The following UBR3 variants were observed in gnomAD, a reference collection of about 807,000 sequenced individuals.
The protein encoded by UBR3 is ubiquitin protein ligase E3 component n-recognin 3.
Under a neutral mutation model 243.2 loss-of-function variants are expected in UBR3, and 85 were observed. That is an observed-to-expected ratio of 0.35 (90% CI 0.29 to 0.42). The LOEUF (loss-of-function observed/expected upper bound fraction) is 0.42. Ranked by LOEUF, UBR3 falls within the 10% of genes least tolerant of loss-of-function variation. The pLI, the probability that UBR3 is intolerant of heterozygous loss-of-function variation, is 1.00. For synonymous variants in UBR3, 748 were observed against 799.8 expected (o/e 0.94, Z 1.09); for missense variants, 1,686 against 2,300.8 (o/e 0.73, Z 5.47).
chr2:169,912,677 T>C (rs1436344724), intron 10 of UBR3, among the ~76,000 whole-genome samples: 4 of 152,190 alleles, frequency 2.6e-5, no homozygotes, highest in African/African-American at 9.6e-5. Context: ...TTTATATACA[T>C]TTTTTGTGTG....
chr2:170,043,779 C>T (rs1039926103), intron 32 of UBR3, among the ~76,000 whole-genome samples: 1 of 152,092 alleles, frequency 6.6e-6, no homozygotes, highest in African/African-American at 2.4e-5. Context: ...TTAAATTTAC[C>T]TGTAGTTAGA....
intron 1 of UBR3, among the ~76,000 whole-genome samples, chr2:169,843,830 C>T (rs1437663006): frequency 6.6e-6 from 1 of 152,130 alleles, no homozygotes; most frequent in Non-Finnish European, 1.5e-5. Context: ...GGGCACCCTC[C>T]TCTTTATTTT....
chr2:170,069,381 A>G (rs546454404), intron 35 of UBR3, among the ~76,000 whole-genome samples: 7 of 152,134 alleles, frequency 4.6e-5, no homozygotes, highest in Non-Finnish European at 7.4e-5. Context: ...ATATGTATAC[A>G]TTGTATATGA....
At position 170,061,158 on chromosome 2, in the gene UBR3, A is replaced by G. The variant is rs751350133; in HGVS notation, c.4865A>G (p.His1622Arg). The stretch of plus-strand genomic sequence containing the variant: ...GAACTATTTAAAGGAAAGTTATACC[A>G]TGAAGAAGGAACTCAGGAATGTGCA... ...ISELFKGKLY[H>R]EEGTQECAMV... The change falls in exon 34 of 39, where the codon CAT (histidine) becomes CGT (arginine). Residue 1622 changes from histidine to arginine, a missense_variant. Transcript: ENST00000272793. The G allele has an allele frequency of 6.9e-6, 11 of 1,599,992 alleles. No homozygotes were observed. Among genetic ancestry groups the G allele is most frequent in the Middle Eastern group, 1.7e-4 (1 of 5,980 alleles).
intron 5 of UBR3, among the ~76,000 whole-genome samples, chr2:169,890,007 A>G (rs558130819): frequency 2.6e-5 from 4 of 152,274 alleles, no homozygotes; most frequent in East Asian, 1.9e-4. Context: ...TGGTTCATAT[A>G]TGTTTGGAAA....
At chr2:170,005,757 G>T (rs1163621324) in intron 27 of UBR3, among the ~76,000 whole-genome samples, 1 of 152,180 alleles carries the variant, frequency 6.6e-6, no homozygotes, top group Non-Finnish European at 1.5e-5. Flanking sequence ...TATAAGATTG[G>T]TTGTATACAT....
At chr2:169,835,993 G>GTCCCCCTCTCTCTCTCTCTCTC (rs1194152380) in intron 1 of UBR3, among the ~76,000 whole-genome samples, 2 of 30,730 alleles carry the variant, frequency 6.5e-5, no homozygotes, top group African/African-American at 2.2e-4. Context: ...TGTGTGCACT[G>GTCCCCCTCTCTCTCTCTCTCTC]TCTCTCTCTC....
chr2:169,923,278 C>G (rs1466155010), intron 11 of UBR3, among the ~76,000 whole-genome samples: 1 of 152,096 alleles, frequency 6.6e-6, no homozygotes, highest in Non-Finnish European at 1.5e-5. Flanking sequence ...GCATTTATAC[C>G]TCTGTTTAGG....
intron 30 of UBR3, among the ~76,000 whole-genome samples, chr2:170,018,772 A>G (rs1224281582): frequency 6.6e-6 from 1 of 152,224 alleles, no homozygotes; most frequent in African/African-American, 2.4e-5. Flanking sequence ...GGTTAGCAAC[A>G]TATGTTGGAA....
chr2:169,890,563 A>ATATATATATATATATATATATATATATG (rs1255881148), intron 5 of UBR3, among the ~76,000 whole-genome samples: 24 of 83,754 alleles, frequency 2.9e-4, no homozygotes, highest in East Asian at 9.0e-4. Context: ...ATATATATAT[A>ATATATATATATATATATATATATATATG]TGTGTATATA....
At chr2:169,858,295 T>G (rs1317119526) in intron 1 of UBR3, among the ~76,000 whole-genome samples, 1 of 152,222 alleles carries the variant, frequency 6.6e-6, no homozygotes, top group East Asian at 1.9e-4. Flanking sequence ...GGGCTTATCA[T>G]AAGCCTGCTT....
intron 1 of UBR3, among the ~76,000 whole-genome samples, chr2:169,845,625 C>G (rs988753187): frequency 6.0e-5 from 9 of 149,480 alleles, no homozygotes; most frequent in Non-Finnish European, 4.5e-5. Context: ...GCTCTGTCAC[C>G]TAGGCTGGAA....
At chr2:169,881,124 G>A (rs1466701927) in intron 5 of UBR3, among the ~76,000 whole-genome samples, 1 of 152,086 alleles carries the variant, frequency 6.6e-6, no homozygotes, top group African/African-American at 2.4e-5. Context: ...TACTTTTAAA[G>A]CATGTGATGT....
chr2:169,895,408 A>T, intron 7 of UBR3, 97 bp downstream of exon 7: 1 of 1,292,186 alleles, frequency 7.7e-7, no homozygotes, highest in Non-Finnish European at 1.0e-6. Flanking sequence ...GTGAAGGTTG[A>T]TATAACACTA....
At chr2:170,000,741 T>G (rs2089665835) in intron 26 of UBR3, among the ~76,000 whole-genome samples, 1 of 152,030 alleles carries the variant, frequency 6.6e-6, no homozygotes, top group Non-Finnish European at 1.5e-5. Flanking sequence ...CTTAAATCAC[T>G]AGGAAAAATA....
chr2:169,959,329 C>G (rs538721665), intron 24 of UBR3, among the ~76,000 whole-genome samples: 1 of 151,826 alleles, frequency 6.6e-6, no homozygotes, highest in East Asian at 2.0e-4. Flanking sequence ...ATAACTTTGA[C>G]AGAAAGAATA....
intron 11 of UBR3, among the ~76,000 whole-genome samples, chr2:169,923,053 C>T (rs563998041): frequency 3.1e-4 from 47 of 152,234 alleles, no homozygotes; most frequent in Non-Finnish European, 2.4e-4. Context: ...GTTCTTAACT[C>T]ATTTGTTTAA....
chr2:170,068,250 C>G (rs936943158), intron 35 of UBR3, among the ~76,000 whole-genome samples: 5 of 152,066 alleles, frequency 3.3e-5, no homozygotes, highest in Non-Finnish European at 5.9e-5. Flanking sequence ...GCGGGCAGAT[C>G]ACGAGGTCAG....
intron 27 of UBR3, among the ~76,000 whole-genome samples, chr2:170,002,454 C>T (rs2105400961): frequency 6.6e-6 from 1 of 152,312 alleles, no homozygotes; most frequent in East Asian, 1.9e-4. Context: ...TTAACAGATT[C>T]TGTCTCTTCC....
Sources: gnomAD v4.1 joint callset for allele counts (sites outside exome capture counted in the v4.1 genomes callset) on GRCh38, gnomAD v4.1.1 for gene constraint, MANE v1.5 for transcripts, NCBI Gene and HGNC (gene_info 2026-07-23, HGNC 2026-07-21) for gene names.